Variants in CIB4 observed in about 807,000 individuals in gnomAD.
CIB4 encodes the protein calcium and integrin-binding family member 4.
CIB4 carries 25 observed loss-of-function variants against 25.8 expected under a neutral mutation model. That is an observed-to-expected ratio of 0.97 (90% CI 0.71 to 1.35). CIB4 has a LOEUF of 1.35. CIB4 is among the 40% of genes most tolerant of loss of function. CIB4 has a pLI of 0.00. For missense variants in CIB4, 235 were observed against 228.2 expected (o/e 1.03, Z -0.19); for synonymous variants, 75 against 81.4 (o/e 0.92, Z 0.42).
At chr2:26,617,644 T>C (rs1007948310) in intron 3 of CIB4, among the ~76,000 whole-genome samples, 1 of 152,162 alleles carries the variant, frequency 6.6e-6, no homozygotes, top group Non-Finnish European at 1.5e-5. Flanking sequence ...AGGGAGACTA[T>C]CTGAGGGTGA....
At chr2:26,628,007 G>C (rs1669341288) in intron 3 of CIB4, among the ~76,000 whole-genome samples, 1 of 152,150 alleles carries the variant, frequency 6.6e-6, no homozygotes, top group Non-Finnish European at 1.5e-5. Context: ...AGTTCTCAGA[G>C]CCCAGTTCGT....
intron 3 of CIB4, among the ~76,000 whole-genome samples, chr2:26,617,429 G>A (rs1669115772): frequency 1.3e-5 from 2 of 152,168 alleles, no homozygotes; most frequent in South Asian, 4.1e-4. Flanking sequence ...GCCTTGAGTA[G>A]GGCTTTCAGC....
At chr2:26,617,145 T>TGTGTGTGTGTGTGTGC (rs1381689008) in intron 3 of CIB4, among the ~76,000 whole-genome samples, 2,247 of 139,076 alleles carry the variant, frequency 0.016, 59 homozygotes, top group African/African-American at 0.051. Context: ...TGTGTGTGTG[T>TGTGTGTGTGTGTGTGC]GTGCACGTGA....
At position 26,597,918 on chromosome 2, in the gene CIB4, C is replaced by CAA. The variant is rs546891473; in HGVS notation, c.187-2603_187-2602dup. Among the ~76,000 whole-genome samples, 367 of 121,890 alleles carry CAA rather than the reference C, an allele frequency of 3.0e-3. 2 individuals carry two copies. Among genetic ancestry groups the CAA allele is most frequent in the African/African-American group, 0.01 (350 of 34,040 alleles). 80.0% of individuals were successfully genotyped at this position (121,890 alleles called of 152,430 possible). On this transcript the variant is annotated intron_variant, in intron 3 of 6. Coordinates refer to ENST00000288861, the MANE Select transcript of CIB4 (RefSeq NM_001029881.3). ...CTATTTCCACTAAGGTGCCTGGTGC[C>CAA]AAAAAAAAAAAAGCAAAGGCCAAGC...
chr2:26,628,289 G>A (rs183894542), intron 3 of CIB4, among the ~76,000 whole-genome samples: 3 of 152,312 alleles, frequency 2.0e-5, no homozygotes, highest in African/African-American at 7.2e-5. Flanking sequence ...TGTCCCTAAA[G>A]GATTGGGAGG....
In CIB4 at chr2:26,627,751, C is replaced by A. The variant is rs1669336004; in HGVS notation, c.186+1659G>T. 6.6e-6 allele frequency among the ~76,000 whole-genome samples: 1 copy of A among 152,164 alleles called. No homozygotes were observed. The highest frequency in any genetic ancestry group is 6.5e-5 in the Admixed American group (1 of 15,278). On this transcript the variant is annotated intron_variant, in intron 3 of 6. Coordinates refer to ENST00000288861, the MANE Select transcript of CIB4 (RefSeq NM_001029881.3). This position sits in a 1 kb window ranked among gnomAD's most constrained non-coding sequence, Gnocchi z 4.0. ...CCAGAATCCCAGCTTCTCCCAGCTA[C>A]CCCCACCCACCTACCCACCCCTCAC...
chr2:26,636,793 A>G (rs189407566), intron 2 of CIB4, among the ~76,000 whole-genome samples: 2 of 152,302 alleles, frequency 1.3e-5, no homozygotes, highest in Admixed American at 6.5e-5. Flanking sequence ...TTTTTTCCTT[A>G]GAATTTTGAA....
intron 3 of CIB4, among the ~76,000 whole-genome samples, chr2:26,606,083 A>G (rs1432346088): frequency 6.6e-6 from 1 of 152,078 alleles, no homozygotes; most frequent in Non-Finnish European, 1.5e-5. Context: ...TTCCTTTGGG[A>G]ATGAAGACAC....
chr2:26,617,120 A>ATGTGTGTGTGTGTGTGTGTGTGTG (rs3220777), intron 3 of CIB4, among the ~76,000 whole-genome samples: 3 of 137,792 alleles, frequency 2.2e-5, no homozygotes, highest in African/African-American at 8.6e-5. Flanking sequence ...AGAGCATGGA[A>ATGTGTGTGTGTGTGTGTGTGTGTG]TGTGTGTGTG....
chr2:26,581,489 C>T (rs1363291268), intron 6 of CIB4, 96 bp from the exon 7 acceptor site: 2 of 1,230,338 alleles, frequency 1.6e-6, no homozygotes, highest in Non-Finnish European at 2.4e-6. Flanking sequence ...CCCTCCCCGG[C>T]CTGCATCTCG....
At chr2:26,617,560 A>G (rs1669117541) in intron 3 of CIB4, among the ~76,000 whole-genome samples, 1 of 152,186 alleles carries the variant, frequency 6.6e-6, no homozygotes, top group African/African-American at 2.4e-5. Flanking sequence ...AGCGGTGACT[A>G]GGGCAGAGAA....
At chr2:26,624,541 A>C (rs1278996883) in intron 3 of CIB4, among the ~76,000 whole-genome samples, 7 of 152,016 alleles carry the variant, frequency 4.6e-5, no homozygotes, top group Admixed American at 4.6e-4. Flanking sequence ...GTCTGAAAAC[A>C]CTCGAGGCTT....
intron 4 of CIB4, among the ~76,000 whole-genome samples, chr2:26,590,509 C>T (rs1428643295): frequency 6.6e-6 from 1 of 152,050 alleles, no homozygotes; most frequent in Non-Finnish European, 1.5e-5. Context: ...TGAGTTCCGT[C>T]TTTGGACGGA....
In CIB4 at chr2:26,581,461, A is replaced by C. The variant is rs935993631; in HGVS notation, c.528-68T>G. 1.0e-5 allele frequency: 15 copies of C among 1,490,746 alleles called. No individual in the cohort carries two copies. The African/African-American group carries it at 1.7e-4, about 16-fold the overall frequency. 92.3% of individuals were successfully genotyped at this position (1,490,746 alleles called of 1,614,324 possible). A position where few individuals can be genotyped will look rare whatever the true frequency, so the allele number is the denominator to read the frequency against. On this transcript the variant is annotated intron_variant, in intron 6 of 6. Coordinates refer to ENST00000288861, the MANE Select transcript of CIB4 (RefSeq NM_001029881.3). Reference sequence around the variant, plus strand: ...AAGGGGCCCTCTGACTCCTGGGTTCACAGTAGTCCTGGAGGCTCCCTCCCC... The same window carrying C: ...AAGGGGCCCTCTGACTCCTGGGTTCCCAGTAGTCCTGGAGGCTCCCTCCCC...
At position 26,601,217 on chromosome 2, in the gene CIB4, C is replaced by CAAAAAAAAAAA. The variant is rs142951418; in HGVS notation, c.187-5911_187-5901dup. On this transcript the variant is annotated intron_variant, in intron 3 of 6. Transcript: ENST00000288861. ...CCTGAGTGACAGAGTGAGACCATGT[C>CAAAAAAAAAAA]AAAAAAAAAAAAAAATATATATATA... Among the ~76,000 whole-genome samples, 65 of 23,648 alleles carry CAAAAAAAAAAA rather than the reference C, an allele frequency of 2.7e-3. 1 individual carries two copies. The highest frequency in any genetic ancestry group is 3.5e-3 in the South Asian group (2 of 578). 15.5% of individuals were successfully genotyped at this position (23,648 alleles called of 152,430 possible).
intron 3 of CIB4, among the ~76,000 whole-genome samples, chr2:26,599,600 T>G (rs1274408518): frequency 6.6e-6 from 1 of 152,240 alleles, no homozygotes. Context: ...TTGATGCACT[T>G]GGACTTTCAA....
At chr2:26,604,066 T>A (rs1668845272) in intron 3 of CIB4, among the ~76,000 whole-genome samples, 1 of 148,888 alleles carries the variant, frequency 6.7e-6, no homozygotes, top group Admixed American at 6.7e-5. Context: ...ATAATCAAAC[T>A]GCTAAAAAGC....
chr2:26,640,176 C>T (rs1669609139), intron 2 of CIB4, among the ~76,000 whole-genome samples: 1 of 152,200 alleles, frequency 6.6e-6, no homozygotes, highest in Non-Finnish European at 1.5e-5. Context: ...TTTACCCAGC[C>T]AGTGGACAGC....
chr2:26,596,822 C>T (rs1042120199), intron 3 of CIB4, among the ~76,000 whole-genome samples: 1 of 151,692 alleles, frequency 6.6e-6, no homozygotes, highest in Non-Finnish European at 1.5e-5. Flanking sequence ...TCTTCTGAAC[C>T]ACATGGAGGT....
Sources: allele counts gnomAD v4.1 joint callset (sites outside exome capture counted in the v4.1 genomes callset), GRCh38; gene constraint gnomAD v4.1.1; non-coding constraint Gnocchi (gnomAD v3.1); transcripts MANE v1.5; gene names NCBI Gene and HGNC (gene_info 2026-07-23, HGNC 2026-07-21).